TM4SF20: variants seen among roughly 807,000 people sequenced by gnomAD.
TM4SF20 encodes transmembrane 4 L six family member 20, also known as transmembrane 4 L6 family member 20.
In TM4SF20, 13 loss-of-function variants were observed where a neutral mutation model predicts 15.1. The ratio of observed to expected loss-of-function variants is 0.86; its 90% confidence interval spans 0.56 to 1.36. The LOEUF (loss-of-function observed/expected upper bound fraction) is 1.36. TM4SF20 is among the 40% of genes most tolerant of loss of function. The pLI is 0.00. For synonymous variants in TM4SF20, 92 were observed against 96.6 expected, an observed-to-expected ratio of 0.95 and a Z score of 0.28; for missense variants, 282 against 268.4, an observed-to-expected ratio of 1.05 and a Z score of -0.35.
At chr2:227,374,829 G>A (rs961899161) in intron 1 of TM4SF20, among the ~76,000 whole-genome samples, 1 of 151,574 alleles carries the variant, frequency 6.6e-6, no homozygotes, top group Admixed American at 6.6e-5. Flanking sequence ...GGTGGCTCAT[G>A]CCTGTAATTC....
At chr2:227,373,361 C>T (rs2076430297) in intron 1 of TM4SF20, among the ~76,000 whole-genome samples, 1 of 152,176 alleles carries the variant, frequency 6.6e-6, no homozygotes, top group Non-Finnish European at 1.5e-5. Flanking sequence ...TATATGGCTG[C>T]CTAGCCACCT....
intron 3 of TM4SF20, among the ~76,000 whole-genome samples, chr2:227,364,713 AG>A (rs2076382571): frequency 6.6e-6 from 1 of 152,204 alleles, no homozygotes; most frequent in Non-Finnish European, 1.5e-5. Flanking sequence ...TAGCAAGCCA[AG>A]GATCACTCTC....
At chr2:227,364,987 T>G (rs1353110954) in intron 3 of TM4SF20, among the ~76,000 whole-genome samples, 4 of 152,244 alleles carry the variant, frequency 2.6e-5, no homozygotes, top group African/African-American at 9.6e-5. Flanking sequence ...CTTGGCTCAC[T>G]GCAACCTCCG....
chr2:227,375,798 C>A (rs1403168628), intron 1 of TM4SF20, among the ~76,000 whole-genome samples: 1 of 152,128 alleles, frequency 6.6e-6, no homozygotes, highest in Non-Finnish European at 1.5e-5. Flanking sequence ...CAGCTTTCAA[C>A]AATTTGTTCT....
intron 3 of TM4SF20, 71 bp from the exon 4 acceptor site, chr2:227,364,083 TAAAAG>T (rs2076377931): frequency 1.4e-6 from 2 of 1,413,646 alleles, no homozygotes; most frequent in Non-Finnish European, 1.9e-6. Context: ...ATTGTGCACA[TAAAAG>T]AATGAGTGAA....
chr2:227,364,010 T>G lies in TM4SF20; in HGVS notation c.404A>C (p.Asp135Ala). The G allele has an allele frequency of 6.2e-7, 1 of 1,602,634 alleles. No individual in the cohort carries two copies. Among genetic ancestry groups the G allele is most frequent in the Non-Finnish European group, 8.5e-7 (1 of 1,174,178 alleles). ...NCEFSLKNIS[D>A]IHPESFNLQW... Reference sequence around the variant, plus strand: ...CAAGTTGAAGGATTCTGGATGAATGTCACTGAAAAACAAAAGATAAAAATC... The same window carrying G: ...CAAGTTGAAGGATTCTGGATGAATGGCACTGAAAAACAAAAGATAAAAATC... Residue 135 changes from aspartate (D) to alanine (A), a missense_variant and splice_region_variant, in exon 4 of 4, where the codon GAC becomes GCC. Coordinates refer to ENST00000304568, the MANE Select transcript of TM4SF20 (RefSeq NM_024795.4).
At chr2:227,371,361 G>A (rs1433336064) in intron 1 of TM4SF20, among the ~76,000 whole-genome samples, 1 of 152,182 alleles carries the variant, frequency 6.6e-6, no homozygotes, top group Admixed American at 6.5e-5. Context: ...TGTTTAAAGA[G>A]TAGGGGTCTC....
At chr2:227,376,166 C>T (rs1276178323) in intron 1 of TM4SF20, among the ~76,000 whole-genome samples, 1 of 152,124 alleles carries the variant, frequency 6.6e-6, no homozygotes, top group Non-Finnish European at 1.5e-5. Flanking sequence ...TATCTACTTC[C>T]TGCAAAATCC....
chr2:227,369,570 A>T (rs567556283), intron 2 of TM4SF20, among the ~76,000 whole-genome samples: 1 of 152,198 alleles, frequency 6.6e-6, no homozygotes, highest in South Asian at 2.1e-4. Context: ...CTGGGATTAC[A>T]GGCATGGGCC....
At chr2:227,369,083 C>A (rs962379038) in intron 2 of TM4SF20, among the ~76,000 whole-genome samples, 1 of 152,108 alleles carries the variant, frequency 6.6e-6, no homozygotes, top group African/African-American at 2.4e-5. Flanking sequence ...AGTCAAATTC[C>A]AAATTATTAT....
chr2:227,373,605 G>A (rs970240480), intron 1 of TM4SF20, among the ~76,000 whole-genome samples: 1 of 152,038 alleles, frequency 6.6e-6, no homozygotes. Context: ...TATTGTCTAT[G>A]GCTACTTTTG....
intron 2 of TM4SF20, among the ~76,000 whole-genome samples, chr2:227,366,716 C>CAAAAAAAAAAAA (rs59401554): frequency 6.2e-4 from 42 of 68,226 alleles, no homozygotes; most frequent in Non-Finnish European, 8.0e-4. Context: ...AAGACTCTGT[C>CAAAAAAAAAAAA]AAAAAAAAAA....
chr2:227,380,937 T>A (rs1241167687), upstream of TM4SF20, among the ~76,000 whole-genome samples: 1 of 152,168 alleles, frequency 6.6e-6, no homozygotes, highest in Non-Finnish European at 1.5e-5. Flanking sequence ...CAGTGAAATG[T>A]GAAATCCTTT....
At chr2:227,374,489 G>T (rs1239933693) in intron 1 of TM4SF20, among the ~76,000 whole-genome samples, 1 of 152,020 alleles carries the variant, frequency 6.6e-6, no homozygotes, top group Non-Finnish European at 1.5e-5. Context: ...ATAATCTCCT[G>T]CCAAAATGAG....
At chr2:227,366,644 G>T (rs1420817330) in intron 2 of TM4SF20, among the ~76,000 whole-genome samples, 11 of 136,654 alleles carry the variant, frequency 8.0e-5, no homozygotes, top group Admixed American at 6.7e-4. Flanking sequence ...CAGGAGAATC[G>T]CTTGAACCCG....
At chr2:227,376,155 T>A (rs2106495795) in intron 1 of TM4SF20, among the ~76,000 whole-genome samples, 1 of 152,348 alleles carries the variant, frequency 6.6e-6, no homozygotes, top group Admixed American at 6.5e-5. Flanking sequence ...GTTTGTATAA[T>A]TATCTACTTC....
chr2:227,378,127 G>T (rs546416342), intron 1 of TM4SF20, among the ~76,000 whole-genome samples: 1 of 151,312 alleles, frequency 6.6e-6, no homozygotes, highest in South Asian at 2.1e-4. Context: ...CATTTATTTG[G>T]CACTAACTAA....
intron 3 of TM4SF20, among the ~76,000 whole-genome samples, chr2:227,365,403 T>C (rs1206532689): frequency 1.3e-5 from 2 of 152,232 alleles, no homozygotes; most frequent in Non-Finnish European, 2.9e-5. Context: ...TTCCAGTTTT[T>C]ACAAATTGTG....
chr2:227,365,090 C>T (rs1203044788), intron 3 of TM4SF20, among the ~76,000 whole-genome samples: 5 of 152,154 alleles, frequency 3.3e-5, no homozygotes, highest in Admixed American at 6.6e-5. Flanking sequence ...TTTGTATTTT[C>T]AGTAGTGATG....
Sources: allele counts gnomAD v4.1 joint callset (sites outside exome capture counted in the v4.1 genomes callset), GRCh38; gene constraint gnomAD v4.1.1; transcripts MANE v1.5; gene names NCBI Gene and HGNC (gene_info 2026-07-23, HGNC 2026-07-21).